The following NTN1 variants were observed in gnomAD, a reference collection of about 807,000 sequenced individuals.
The protein encoded by NTN1 is netrin 1.
Under a neutral mutation model 54.2 loss-of-function variants are expected in NTN1, and 11 were observed. The observed-to-expected ratio is 0.20, with a 90% CI of 0.13 to 0.34. The LOEUF (loss-of-function observed/expected upper bound fraction) is 0.34, where lower values mean the gene tolerates loss of function less well. Ranked by LOEUF, NTN1 falls within the 10% of genes least tolerant of loss-of-function variation. The pLI, the probability that NTN1 is intolerant of heterozygous loss-of-function variation, is 1.00. For missense variants in NTN1, 740 were observed against 893.1 expected (o/e 0.83, Z 2.18); for synonymous variants, 371 against 382.0 (o/e 0.97, Z 0.33).
intron 2 of NTN1, among the ~76,000 whole-genome samples, chr17:9,108,574 C>G (rs1447692444): frequency 6.6e-6 from 1 of 152,188 alleles, no homozygotes. Flanking sequence ...AATTTGAGAA[C>G]TTAAAACATT....
At chr17:9,045,449 C>G (rs895096594) in intron 2 of NTN1, among the ~76,000 whole-genome samples, 2 of 152,192 alleles carry the variant, frequency 1.3e-5, no homozygotes, top group Non-Finnish European at 2.9e-5. Flanking sequence ...TTTCCATAGG[C>G]AGCTTCCTAC....
chr17:9,081,569 G>C (rs138867293), intron 2 of NTN1, among the ~76,000 whole-genome samples: 1 of 151,918 alleles, frequency 6.6e-6, no homozygotes, highest in Non-Finnish European at 1.5e-5. Flanking sequence ...TGCCCCACCC[G>C]TCCACACATC....
chr17:9,164,612 A>G (rs573010735), intron 3 of NTN1, among the ~76,000 whole-genome samples: 3 of 152,280 alleles, frequency 2.0e-5, no homozygotes, highest in Admixed American at 2.0e-4. Context: ...ACTTTTCTCA[A>G]AATAAACAGG....
rs1906275662 is a variant in NTN1 at position 9,243,036 on chromosome 17, C to T, written c.*3068C>T. On this transcript the variant is annotated 3_prime_UTR_variant, in exon 7 of 7. Transcript: ENST00000173229. ...TTAGTCTTTGTTTTTGAAACAGCTT[C>T]CCCAGTTGTCCTTTTTCTTACCAGC... 1 of 151,876 alleles carries T rather than the reference C, an allele frequency of 6.6e-6. No homozygotes were observed. The highest frequency in any genetic ancestry group is 1.9e-4 in the East Asian group (1 of 5,202). The allele number at this position is 151,876 out of a possible 1,614,324, so 9.4% of individuals were successfully genotyped here.
In NTN1 at chr17:9,078,057, T is replaced by TATCC. The variant is rs111350777; in HGVS notation, c.1018+54704_1018+54707dup. On this transcript the variant is annotated intron_variant, in intron 2 of 6. Transcript: ENST00000173229. Reference sequence around the variant, plus strand: ...TTGTTAATTTGCCTGCCCATCCATCTATCCATCCATCCATCCATCCATCCA... The same window carrying TATCC: ...TTGTTAATTTGCCTGCCCATCCATCTATCCATCCATCCATCCATCCATCCATCCA... Among the ~76,000 whole-genome samples, 738 of 151,638 alleles carry TATCC rather than the reference T, an allele frequency of 4.9e-3. 4 individuals are homozygous for TATCC. Among genetic ancestry groups the TATCC allele is most frequent in the Middle Eastern group, 6.8e-3 (2 of 294 alleles).
chr17:9,123,802 A>ATAACTTT (rs2092237949), intron 2 of NTN1, among the ~76,000 whole-genome samples: 1 of 152,112 alleles, frequency 6.6e-6, no homozygotes, highest in South Asian at 2.1e-4. Context: ...TTCCTATCAC[A>ATAACTTT]GTTCTGATTC....
At chr17:9,172,498 C>T (rs941126096) in intron 3 of NTN1, among the ~76,000 whole-genome samples, 3 of 151,726 alleles carry the variant, frequency 2.0e-5, no homozygotes, top group Admixed American at 6.6e-5. Flanking sequence ...GAAGCTCCTT[C>T]TGTAAGACAA....
intron 5 of NTN1, among the ~76,000 whole-genome samples, chr17:9,191,181 C>T (rs1414442162): frequency 2.6e-5 from 4 of 152,164 alleles, no homozygotes; most frequent in Non-Finnish European, 4.4e-5. Context: ...ATAAGCGGAG[C>T]CGGGCGTGGT....
Position 9,240,529 on chromosome 17 carries a change from C to T in NTN1, c.*561C>T, listed in dbSNP as rs1455383377. On this transcript the variant is annotated 3_prime_UTR_variant, in exon 7 of 7. Coordinates refer to ENST00000173229, the MANE Select transcript of NTN1 (RefSeq NM_004822.3). The stretch of plus-strand genomic sequence containing the variant: ...CTTCTAGCAGTTCCCCGCGGGCCAC[C>T]TGGCTGTCACAGCCTGGACTCCTCC... 1 of 152,372 alleles carries T rather than the reference C, an allele frequency of 6.6e-6. No homozygotes were observed. Among genetic ancestry groups the T allele is most frequent in the Admixed American group, 6.5e-5 (1 of 15,292 alleles). The allele number at this position is 152,372 out of a possible 1,614,324, so 9.4% of individuals were successfully genotyped here.
chr17:9,046,170 G>T (rs1249818723), intron 2 of NTN1, among the ~76,000 whole-genome samples: 2 of 152,266 alleles, frequency 1.3e-5, no homozygotes, highest in East Asian at 3.9e-4. Flanking sequence ...AATGTGTAAG[G>T]AATATGTAAT....
chr17:9,169,225 G>C (rs1431060470), intron 3 of NTN1, among the ~76,000 whole-genome samples: 1 of 152,212 alleles, frequency 6.6e-6, no homozygotes, highest in East Asian at 1.9e-4. Flanking sequence ...ATCCCTTCCA[G>C]CTTTGACATT....
rs961286536 is a variant in NTN1, at chr17:9,028,415, C to T, written c.1018+5024C>T. ...ATCAGGAACCTCGAGGCAAGGAGGC[C>T]GCTCCCTGCTCCACCCAGAGCAGGG... On this transcript the variant is annotated intron_variant, in intron 2 of 6. Transcript: ENST00000173229. Among the ~76,000 whole-genome samples, 6 of 152,056 alleles carry T rather than the reference C, an allele frequency of 3.9e-5. No individual in the cohort carries two copies. In the East Asian group the frequency reaches 7.7e-4, roughly 20 times the overall value.
intron 2 of NTN1, among the ~76,000 whole-genome samples, chr17:9,030,865 C>A (rs1479170035): frequency 6.6e-6 from 1 of 152,126 alleles, no homozygotes; most frequent in East Asian, 1.9e-4. Flanking sequence ...CAGAAAGTAA[C>A]ACTCCAGTTC....
At chr17:9,008,050 T>C in the NTN1 span, among the ~76,000 whole-genome samples, 6 of 152,190 alleles carry the variant, frequency 3.9e-5, no homozygotes, top group Admixed American at 1.3e-4. Context: ...ACTTAGACTC[T>C]GTTCTTGAGT....
chr17:9,092,103 T>A (rs1458812071), intron 2 of NTN1, among the ~76,000 whole-genome samples: 1 of 151,898 alleles, frequency 6.6e-6, no homozygotes, highest in Non-Finnish European at 1.5e-5. Context: ...TTGGCCAGGC[T>A]GGTCTCAAAC....
chr17:9,097,993 A>G (rs1036590470), intron 2 of NTN1, among the ~76,000 whole-genome samples: 2 of 152,168 alleles, frequency 1.3e-5, no homozygotes, highest in African/African-American at 4.8e-5. Context: ...AACTATTCAA[A>G]ACTGAATGTA....
chr17:9,014,153 C>G, the NTN1 span, among the ~76,000 whole-genome samples: 1 of 152,164 alleles, frequency 6.6e-6, no homozygotes, highest in Non-Finnish European at 1.5e-5. Context: ...ACGCTTCCCA[C>G]TAGATTGGCC....
chr17:9,166,191 A>G (rs2142302549), intron 3 of NTN1, among the ~76,000 whole-genome samples: 1 of 72,634 alleles, frequency 1.4e-5, no homozygotes, highest in South Asian at 4.9e-4. Context: ...CACCACCACC[A>G]CCACCACCAC....
At position 9,055,608 on chromosome 17, in the gene NTN1, C is replaced by T. The variant is rs375727843; in HGVS notation, c.1018+32217C>T. 1.6e-4 allele frequency among the ~76,000 whole-genome samples: 25 copies of T among 152,278 alleles called. No individual in the cohort carries two copies. The East Asian group carries it at 4.8e-3, about 29-fold the overall frequency. ...GAGGAGGTCCTGGTGCAGGAAGGAG[C>T]TTGCCACGTTTGAGCAACAGAGCAA... On this transcript the variant is annotated intron_variant, in intron 2 of 6. Transcript: ENST00000173229.
Sources: gnomAD v4.1 joint callset for allele counts (sites outside exome capture counted in the v4.1 genomes callset) on GRCh38, gnomAD v4.1.1 for gene constraint, MANE v1.5 for transcripts, NCBI Gene and HGNC (gene_info 2026-07-23, HGNC 2026-07-21) for gene names.